The following MYL10 variants were observed in gnomAD, a reference collection of about 807,000 sequenced individuals.
The protein encoded by MYL10 is myosin light chain 10.
A neutral mutation model predicts 21.9 loss-of-function variants in MYL10; 18 were observed. The observed-to-expected ratio is 0.82, with a 90% CI of 0.57 to 1.22. MYL10 has a LOEUF of 1.22. MYL10 is among the 50% of genes most tolerant of loss of function. The probability of loss-of-function intolerance (pLI) is 0.00; values close to 1 mark genes in which losing one functional copy is unlikely to be tolerated. For missense variants in MYL10, 225 were observed against 230.4 expected, an observed-to-expected ratio of 0.98 and a Z score of 0.15; for synonymous variants, 88 against 82.8, an observed-to-expected ratio of 1.06 and a Z score of -0.34.
At chr7:101,615,981 G>A (rs545258431) in intron 6 of MYL10, among the ~76,000 whole-genome samples, 7 of 152,142 alleles carry the variant, frequency 4.6e-5, no homozygotes, top group African/African-American at 1.7e-4. Flanking sequence ...TTACAGGCGT[G>A]AGCCACCGCG....
chr7:101,614,610 A>T (rs901028566), intron 6 of MYL10, among the ~76,000 whole-genome samples: 1 of 152,030 alleles, frequency 6.6e-6, no homozygotes, highest in African/African-American at 2.4e-5. Context: ...TCCGGGGGTG[A>T]CTCTGATGCC....
At chr7:101,621,187 A>G (rs1285800509) in intron 5 of MYL10, among the ~76,000 whole-genome samples, 2 of 152,080 alleles carry the variant, frequency 1.3e-5, no homozygotes, top group Non-Finnish European at 2.9e-5. Flanking sequence ...AGATGGCTCC[A>G]ACCCTCCACC....
intron 5 of MYL10, among the ~76,000 whole-genome samples, chr7:101,619,126 T>C (rs1796645500): frequency 6.6e-6 from 1 of 152,234 alleles, no homozygotes; most frequent in South Asian, 2.1e-4. Flanking sequence ...CCCACTGGCC[T>C]TTAACACGCC....
intron 1 of MYL10, among the ~76,000 whole-genome samples, chr7:101,626,470 G>A (rs1638478292): frequency 6.6e-6 from 1 of 152,188 alleles, no homozygotes; most frequent in Non-Finnish European, 1.5e-5. Flanking sequence ...TGACAGCCAA[G>A]TCAGAGCTCT....
At position 101,620,289 on chromosome 7, in the gene MYL10, T is replaced by C. The variant is rs920053272; in HGVS notation, c.454+1807A>G. Among the ~76,000 whole-genome samples, 4 of 152,052 alleles carry C rather than the reference T, an allele frequency of 2.6e-5. 1 individual carries two copies. The highest frequency in any genetic ancestry group is 1.9e-4 in the East Asian group (1 of 5,160). On this transcript the variant is annotated intron_variant, in intron 5 of 7. Transcript: ENST00000223167. ...GTCCTAAGCTGAGATGGCGCCATTATACTCCAGCCTGGGCAACAGAGTGAG... is the reference window on the plus strand; with the variant it reads ...GTCCTAAGCTGAGATGGCGCCATTACACTCCAGCCTGGGCAACAGAGTGAG...
At position 101,622,743 on chromosome 7, in the gene MYL10, ACCAGGC is replaced by A. The variant is rs532594514; in HGVS notation, c.349+248_349+253del. 3.8e-4 allele frequency among the ~76,000 whole-genome samples: 58 copies of A among 151,314 alleles called. No individual in the cohort carries two copies. In the East Asian group the frequency reaches 6.5e-3, roughly 17 times the overall value. ...CCTCCCCACACCCAGGGTCCCCTAC[ACCAGGC>A]CCAGGCCCAGGCCCAGGCCCATGCT... On this transcript the variant is annotated intron_variant, in intron 4 of 7. Transcript: ENST00000223167.
chr7:101,622,137 T>C lies in MYL10; in HGVS notation c.413A>G (p.Asn138Ser), dbSNP rs1796686671. The change falls in exon 5 of 8, where the codon AAC (asparagine) becomes AGC (serine). Residue 138 changes from asparagine to serine, a missense_variant. Physicochemically the swap from Asn to Ser is conservative, Grantham distance 46. Coordinates refer to ENST00000223167, the MANE Select transcript of MYL10 (RefSeq NM_138403.5). Reference sequence around the variant, plus strand: ...AAACATGGTCAGGAACACCGTGAAGTTGATGGGTCCGGGGGCCTCCTTCAC... The same window carrying C: ...AAACATGGTCAGGAACACCGTGAAGCTGATGGGTCCGGGGGCCTCCTTCAC... ...AMVKEAPGPI[N>S]FTVFLTMFGE... is the part of the protein sequence containing the mutation. 1 of 1,613,704 alleles carries C rather than the reference T, an allele frequency of 6.2e-7. No homozygotes were observed. Among genetic ancestry groups the C allele is most frequent in the Admixed American group, 1.7e-5 (1 of 59,970 alleles).
At chr7:101,617,518 C>T (rs571361659) in intron 5 of MYL10, among the ~76,000 whole-genome samples, 19 of 152,358 alleles carry the variant, frequency 1.2e-4, no homozygotes, top group Admixed American at 1.0e-3. Context: ...CTTTTGTCAC[C>T]CTGTGCTCTT....
intron 5 of MYL10, among the ~76,000 whole-genome samples, chr7:101,621,222 C>A (rs1157228304): frequency 6.6e-6 from 1 of 152,074 alleles, no homozygotes; most frequent in South Asian, 2.1e-4. Flanking sequence ...GTGTCTCGGG[C>A]GGGTACAGTG....
intron 1 of MYL10, among the ~76,000 whole-genome samples, chr7:101,628,526 C>T (rs1796772149): frequency 6.6e-6 from 1 of 152,154 alleles, no homozygotes; most frequent in South Asian, 2.1e-4. Context: ...ACCTCCATTC[C>T]ACCCTGGCCT....
Position 101,613,506 on chromosome 7 carries a change from TAGCAC to T in MYL10, c.645_649del (p.Cys216ArgfsTer6), listed in dbSNP as rs781250321. The stretch of plus-strand genomic sequence containing the variant: ...CTTCTCTTCACCGTGAGTGATGACG[TAGCAC>T]AGGTTTCTGTAGTCCAGGTTGCCGC... On this transcript the variant is annotated frameshift_variant, in exon 8 of 8. Transcript: ENST00000223167. LOFTEE classifies it high-confidence loss of function. 3.0e-5 allele frequency: 49 copies of T among 1,614,080 alleles called. No individual in the cohort carries two copies. Among genetic ancestry groups the T allele is most frequent in the Admixed American group, 2.0e-4 (12 of 60,014 alleles).
intron 1 of MYL10, among the ~76,000 whole-genome samples, chr7:101,628,667 G>A (rs1037807194): frequency 1.1e-4 from 16 of 152,128 alleles, no homozygotes; most frequent in African/African-American, 3.6e-4. Flanking sequence ...GCCCCAGCTC[G>A]GCCTCAGAGG....
rs182945430 is a variant in MYL10, at chr7:101,618,781, C to T, written c.455-2483G>A. Among the ~76,000 whole-genome samples the T allele has an allele frequency of 5.3e-3, 802 of 152,202 alleles. 8 individuals are homozygous for T. The highest frequency in any genetic ancestry group is 0.018 in the African/African-American group (753 of 41,534). ...TCTGCATGACAGGCTCAGCCGGAGC[C>T]CCAGTCCCGGCGCCCCTGCAAAAAT... On this transcript the variant is annotated intron_variant, in intron 5 of 7. Transcript: ENST00000223167.
intron 1 of MYL10, among the ~76,000 whole-genome samples, chr7:101,628,048 G>A (rs980867178): frequency 1.3e-5 from 2 of 152,200 alleles, no homozygotes; most frequent in Non-Finnish European, 2.9e-5. Flanking sequence ...GCCCTCGGGG[G>A]CCCCTTCTAC....
chr7:101,616,350 C>A (rs1379708633), intron 5 of MYL10, 52 bp from the exon 6 acceptor site: 1 of 1,450,412 alleles, frequency 6.9e-7, no homozygotes, highest in Non-Finnish European at 9.7e-7. Context: ...GAGGGCCCCA[C>A]AGGGACAGGC....
intron 3 of MYL10, among the ~76,000 whole-genome samples, chr7:101,623,658 G>A (rs1432968831): frequency 7.4e-6 from 1 of 134,962 alleles, no homozygotes; most frequent in Non-Finnish European, 1.5e-5. Context: ...CTGCAACACT[G>A]TACTCCAGCC....
chr7:101,624,121 G>T, intron 2 of MYL10, 51 bp downstream of exon 2: 1 of 1,136,938 alleles, frequency 8.8e-7, no homozygotes, highest in Non-Finnish European at 1.3e-6. Context: ...TTGAGCAACT[G>T]GCATGCATTC....
Position 101,629,023 on chromosome 7 carries a change from A to T in MYL10, c.78+18T>A, listed in dbSNP as rs1464139512. ...CAGATAAGAAGTGGGGCCAGAGGCC[A>T]GGCACAGTGGCTCATACCTGTAATC... On this transcript the variant is annotated intron_variant, in intron 1 of 7. Coordinates refer to ENST00000223167, the MANE Select transcript of MYL10 (RefSeq NM_138403.5). 4 of 451,748 alleles carry T rather than the reference A, an allele frequency of 8.9e-6. No individual in the cohort carries two copies. The highest frequency in any genetic ancestry group is 1.8e-5 in the Non-Finnish European group (4 of 226,006). 28.0% of individuals were successfully genotyped at this position (451,748 alleles called of 1,614,324 possible).
chr7:101,623,694 C>CAAA (rs11337754), intron 3 of MYL10, among the ~76,000 whole-genome samples: 7 of 66,544 alleles, frequency 1.1e-4, no homozygotes, highest in Non-Finnish European at 1.7e-4. Context: ...GACCCTGTCT[C>CAAA]AAAAAAAAAA....
Sources: gnomAD v4.1 joint callset for allele counts (sites outside exome capture counted in the v4.1 genomes callset) on GRCh38, gnomAD v4.1.1 for gene constraint, MANE v1.5 for transcripts, NCBI Gene and HGNC (gene_info 2026-07-23, HGNC 2026-07-21) for gene names.